RUNX3: variants seen among roughly 807,000 people sequenced by gnomAD.
RUNX3 encodes the protein runt-related transcription factor 3.
RUNX3 carries 10 observed loss-of-function variants against 27.7 expected under a neutral mutation model. The ratio of observed to expected loss-of-function variants is 0.36; its 90% CI spans 0.22 to 0.61. RUNX3 has a LOEUF of 0.61. RUNX3 is among the 20% of genes least tolerant of loss of function. RUNX3 has a pLI of 0.72. For synonymous variants in RUNX3, 270 were observed against 269.2 expected (o/e 1.00, Z -0.03); for missense variants, 469 against 629.5 (o/e 0.75, Z 2.73).
rs59221294 is a variant in RUNX3 at position 24,944,340 on chromosome 1, T to C, written c.59-14488A>G. On this transcript the variant is annotated intron_variant, in intron 2 of 6. Coordinates refer to the RUNX3 transcript ENST00000338888. ...ACAGGGCCTTTGTCTGTGCTGCCCT[T>C]TACCTGGAAAACCCTTCCCATTCTG... Among the ~76,000 whole-genome samples, 1,454 of 152,222 alleles carry C rather than the reference T, an allele frequency of 9.6e-3. 56 individuals carry two copies. The East Asian group carries it at 0.12, about 13-fold the overall frequency.
intron 2 of RUNX3, chr1:24,964,418 T>G: frequency 1.0e-6 from 1 of 961,462 alleles, no homozygotes; most frequent in Non-Finnish European, 1.6e-6. Flanking sequence ...GCGGACAGGC[T>G]GTGCGCTTGA....
Position 24,927,494 on chromosome 1 carries a change from TA to T in RUNX3, c.439+79del. ...TCTGGAGACCTGTTTTTCGGGATTC[TA>T]AGGCCCCTCTTTCAACCTCCTTCCC... On this transcript the variant is annotated intron_variant, in intron 2 of 4. Transcript: ENST00000308873. This position sits in a 1 kb window ranked among gnomAD's most constrained non-coding sequence, Gnocchi z 5.0. 1 of 1,430,872 alleles carries T rather than the reference TA, an allele frequency of 7.0e-7. No individual in the cohort carries two copies. The highest frequency in any genetic ancestry group is 9.8e-7 in the Non-Finnish European group (1 of 1,019,302). 88.6% of individuals were successfully genotyped at this position (1,430,872 alleles called of 1,614,324 possible).
chr1:24,962,511 T>C lies in RUNX3; in HGVS notation c.58+2003A>G, dbSNP rs1160512107. Among the ~76,000 whole-genome samples the C allele has an allele frequency of 6.6e-6, 1 of 152,060 alleles. No individual in the cohort carries two copies. Among genetic ancestry groups the C allele is most frequent in the Non-Finnish European group, 1.5e-5 (1 of 68,004 alleles). ...CTGGAGCCCTGTAAGCCTCCAGGGATGGGATTTGGGAGACAGGCCCCCATG... is the reference window on the plus strand; with the variant it reads ...CTGGAGCCCTGTAAGCCTCCAGGGACGGGATTTGGGAGACAGGCCCCCATG... On this transcript the variant is annotated intron_variant, in intron 2 of 6. Transcript: ENST00000338888. The surrounding 1 kb of genome is among the most constrained non-coding windows in gnomAD (Gnocchi z 4.5).
chr1:24,945,196 T>C (rs2124346495), intron 2 of RUNX3, among the ~76,000 whole-genome samples: 2 of 152,356 alleles, frequency 1.3e-5, no homozygotes, highest in South Asian at 4.1e-4. Flanking sequence ...GAACTCCTTT[T>C]TAGTATAAAG....
chr1:24,917,988 C>T (rs1214348733), intron 3 of RUNX3, among the ~76,000 whole-genome samples: 3 of 152,218 alleles, frequency 2.0e-5, no homozygotes, highest in Non-Finnish European at 4.4e-5. Flanking sequence ...AGGGAACCAG[C>T]AGGAGTGTGG....
At chr1:24,963,424 G>GCC (rs1642172143) in intron 2 of RUNX3, among the ~76,000 whole-genome samples, 1 of 152,202 alleles carries the variant, frequency 6.6e-6, no homozygotes, top group Non-Finnish European at 1.5e-5. Context: ...GGCAGCACCA[G>GCC]CCCCCAACCC....
At chr1:24,905,160 G>T (rs1400068599) in intron 4 of RUNX3, among the ~76,000 whole-genome samples, 1 of 152,140 alleles carries the variant, frequency 6.6e-6, no homozygotes, top group Non-Finnish European at 1.5e-5. Context: ...GTCCCAAGGG[G>T]GATCCCCAGG....
At chr1:24,932,084 A>C, upstream of RUNX3, among the ~76,000 whole-genome samples, 1 of 152,194 alleles carries the variant, frequency 6.6e-6, no homozygotes, top group East Asian at 1.9e-4. Context: ...TTGCGGGACC[A>C]TGACCCGCTG....
At chr1:24,945,123 G>A (rs1304518616) in intron 2 of RUNX3, among the ~76,000 whole-genome samples, 2 of 152,264 alleles carry the variant, frequency 1.3e-5, no homozygotes, top group Admixed American at 6.5e-5. Context: ...CGCAGATAGA[G>A]TTGTCACATT....
chr1:24,925,648 G>C (rs971270631), intron 2 of RUNX3, among the ~76,000 whole-genome samples: 1 of 152,110 alleles, frequency 6.6e-6, no homozygotes, highest in African/African-American at 2.4e-5. Context: ...GGCTCTCAAA[G>C]ACCTCGAGCC....
At position 24,942,853 on chromosome 1, in the gene RUNX3, G is replaced by A. The variant is rs555684410; in HGVS notation, c.59-13001C>T. On this transcript the variant is annotated intron_variant, in intron 2 of 6. Transcript: ENST00000338888. The stretch of plus-strand genomic sequence containing the variant: ...GACCCGGGCTCCCGCCTCCCAGCCT[G>A]GTGCTCCTCGGAGCCTGCCCATTGC... Among the ~76,000 whole-genome samples the A allele has an allele frequency of 8.5e-5, 13 of 152,330 alleles. No homozygotes were observed. The South Asian group carries it at 2.7e-3, about 32-fold the overall frequency.
chr1:24,952,982 T>A (rs958079909), intron 2 of RUNX3, among the ~76,000 whole-genome samples: 7 of 152,228 alleles, frequency 4.6e-5, no homozygotes, highest in Non-Finnish European at 4.4e-5. Context: ...TTGAATGCTT[T>A]AAAAACTTAA....
chr1:24,929,456 C>A (rs780305594), intron 1 of RUNX3, 131 bp downstream of exon 1: 28 of 931,226 alleles, frequency 3.0e-5, no homozygotes, highest in Non-Finnish European at 4.5e-5. Flanking sequence ...CCAGACTGAA[C>A]CGGGTGCCCG....
At chr1:24,919,759 C>CT (rs1640961610) in intron 2 of RUNX3, among the ~76,000 whole-genome samples, 1 of 150,858 alleles carries the variant, frequency 6.6e-6, no homozygotes, top group Non-Finnish European at 1.5e-5. Context: ...GACACCCCCC[C>CT]CCCACGGTTC....
chr1:24,960,046 T>A (rs1642064220), intron 2 of RUNX3, among the ~76,000 whole-genome samples: 1 of 152,206 alleles, frequency 6.6e-6, no homozygotes, highest in Non-Finnish European at 1.5e-5. Context: ...GAGGACTTGT[T>A]CTCTCTTTCC....
chr1:24,927,821 T>C lies in RUNX3; in HGVS notation c.283-91A>G. ...GAGGGGAGGGGCTGGGCTGGGCAGC[T>C]CCCCCAGGTCCCAGGCACACTGAGT... On this transcript the variant is annotated intron_variant, in intron 1 of 4. Coordinates refer to ENST00000308873, the MANE Select transcript of RUNX3 (RefSeq NM_004350.3). This position sits in a 1 kb window ranked among gnomAD's most constrained non-coding sequence, Gnocchi z 5.0. 5 of 1,140,670 alleles carry C rather than the reference T, an allele frequency of 4.4e-6. No individual in the cohort carries two copies. Among genetic ancestry groups the C allele is most frequent in the Admixed American group, 1.8e-5 (1 of 57,050 alleles). 70.7% of individuals were successfully genotyped at this position (1,140,670 alleles called of 1,614,324 possible).
upstream of RUNX3, among the ~76,000 whole-genome samples, chr1:24,931,896 T>A (rs1641238200): frequency 6.6e-6 from 1 of 152,156 alleles, no homozygotes; most frequent in South Asian, 2.1e-4. Flanking sequence ...CAGTTGTCGA[T>A]TGCGGACCCA....
chr1:24,964,400 G>T, intron 2 of RUNX3: 1 of 821,474 alleles, frequency 1.2e-6, no homozygotes, highest in Non-Finnish European at 2.0e-6. Context: ...AGAGGCCAGC[G>T]GATTTAGGCG....
intron 2 of RUNX3, chr1:24,964,368 C>T: frequency 1.5e-6 from 1 of 686,054 alleles, no homozygotes. Flanking sequence ...ACCACCAACC[C>T]CTCTTCCCAC....
Sources: allele counts gnomAD v4.1 joint callset (sites outside exome capture counted in the v4.1 genomes callset), GRCh38; gene constraint gnomAD v4.1.1; non-coding constraint Gnocchi (gnomAD v3.1); transcripts MANE v1.5; gene names NCBI Gene and HGNC (gene_info 2026-07-23, HGNC 2026-07-21).